The following MAPKAPK2 variants were observed in gnomAD, a reference collection of about 807,000 sequenced individuals.
MAPKAPK2 encodes the protein MAP kinase-activated protein kinase 2.
Under a neutral mutation model 48.8 loss-of-function variants are expected in MAPKAPK2, and 9 were observed. That is an observed-to-expected ratio of 0.18 (90% confidence interval 0.11 to 0.32). The LOEUF is 0.32. Among genes scored for constraint, MAPKAPK2 ranks in the 10% least tolerant of loss-of-function variants. The probability of loss-of-function intolerance (pLI) is 1.00; values close to 1 mark genes in which losing one functional copy is unlikely to be tolerated. For missense variants in MAPKAPK2, 331 were observed against 498.3 expected, an observed-to-expected ratio of 0.66 and a Z score of 3.20; for synonymous variants, 202 against 190.6, an observed-to-expected ratio of 1.06 and a Z score of -0.49.
intron 1 of MAPKAPK2, among the ~76,000 whole-genome samples, chr1:206,721,555 G>C (rs1673519180): frequency 6.6e-6 from 1 of 152,172 alleles, no homozygotes; most frequent in South Asian, 2.1e-4. Context: ...TGTTGCTGTT[G>C]TGGACAGTCT....
intron 1 of MAPKAPK2, among the ~76,000 whole-genome samples, chr1:206,701,513 T>G (rs1355723991): frequency 6.6e-6 from 1 of 151,994 alleles, no homozygotes; most frequent in Non-Finnish European, 1.5e-5. Context: ...TAGAAGGTAT[T>G]CATTTAGAAA....
At chr1:206,718,216 G>A (rs574597304) in intron 1 of MAPKAPK2, among the ~76,000 whole-genome samples, 1 of 152,290 alleles carries the variant, frequency 6.6e-6, no homozygotes, top group African/African-American at 2.4e-5. Context: ...CTTAAGTAAG[G>A]TGGAAGCAGT....
chr1:206,728,858 C>A lies in MAPKAPK2; in HGVS notation c.419+9C>A. The A allele has an allele frequency of 6.2e-7, 1 of 1,613,852 alleles. No individual in the cohort carries two copies. The highest frequency in any genetic ancestry group is 8.5e-7 in the Non-Finnish European group (1 of 1,179,870). On this transcript the variant is annotated intron_variant, in intron 2 of 9. Transcript: ENST00000367103. ...CTGATTGTCATGGAATGGTAAGCAG[C>A]CACTGTTCTAGTCCCGGCCCAGCCT...
In MAPKAPK2 at chr1:206,731,299, C is replaced by CGT. The variant is rs58152125; in HGVS notation, c.892+56_892+57dup. On this transcript the variant is annotated intron_variant, in intron 7 of 9. Transcript: ENST00000367103. This position sits in a 1 kb window ranked among gnomAD's most constrained non-coding sequence, Gnocchi z 5.9. ...GGCTTTCAGGACAAGGGGAAGAGCC[C>CGT]GTGTGTGTGTGTGTGTGTGTATGTG... The CGT allele has an allele frequency of 0.2, 309,456 of 1,548,182 alleles. 9,517 individuals carry two copies. Among genetic ancestry groups the CGT allele is most frequent in the African/African-American group, 0.31 (22,468 of 73,102 alleles).
At position 206,731,761 on chromosome 1, in the gene MAPKAPK2, G is replaced by A. The variant is rs994853586; in HGVS notation, c.978+36G>A. 8.1e-6 allele frequency: 13 copies of A among 1,611,754 alleles called. No individual in the cohort carries two copies. The highest frequency in any genetic ancestry group is 2.7e-5 in the African/African-American group (2 of 74,820). On this transcript the variant is annotated intron_variant, in intron 8 of 9. Transcript: ENST00000367103. This position sits in a 1 kb window ranked among gnomAD's most constrained non-coding sequence, Gnocchi z 5.9. ...CAGGCTGGGGAGCCTTGGGTCTCACGGGACTATTCCACAGGACAGAGTCTT... is the reference window on the plus strand; with the variant it reads ...CAGGCTGGGGAGCCTTGGGTCTCACAGGACTATTCCACAGGACAGAGTCTT...
intron 1 of MAPKAPK2, among the ~76,000 whole-genome samples, chr1:206,727,708 C>T (rs1317560710): frequency 6.6e-6 from 1 of 152,120 alleles, no homozygotes; most frequent in East Asian, 1.9e-4. Flanking sequence ...GCAAGCTCCA[C>T]CTCTCAGGGT....
intron 1 of MAPKAPK2, among the ~76,000 whole-genome samples, chr1:206,694,939 G>T (rs868927121): frequency 6.6e-6 from 1 of 152,186 alleles, no homozygotes; most frequent in Non-Finnish European, 1.5e-5. Flanking sequence ...TTGCAGACAC[G>T]CCAAGTGCTG....
intron 1 of MAPKAPK2, among the ~76,000 whole-genome samples, chr1:206,722,385 A>C (rs1364922159): frequency 6.6e-6 from 1 of 152,180 alleles, no homozygotes; most frequent in Non-Finnish European, 1.5e-5. Context: ...AACAAAAAAA[A>C]ACAAAGAAAC....
At chr1:206,721,683 A>G (rs949843795) in intron 1 of MAPKAPK2, among the ~76,000 whole-genome samples, 4 of 152,190 alleles carry the variant, frequency 2.6e-5, no homozygotes, top group Non-Finnish European at 4.4e-5. Context: ...AAGGTCGTGA[A>G]CTAATGACTC....
In MAPKAPK2 at chr1:206,685,145, C is replaced by CG; in HGVS notation, c.-79dup. The CG allele has an allele frequency of 4.4e-6, 1 of 228,062 alleles. No homozygotes were observed. Among genetic ancestry groups the CG allele is most frequent in the South Asian group, 1.7e-4 (1 of 5,812 alleles). 14.1% of individuals were successfully genotyped at this position (228,062 alleles called of 1,614,324 possible). A position where few individuals can be genotyped will look rare whatever the true frequency, so the allele number is the denominator to read the frequency against. On this transcript the variant is annotated 5_prime_UTR_variant, in exon 1 of 10. Transcript: ENST00000367103. ...GCCCGGAGCGAACTTCGCAGCCCGT[C>CG]GGGGGGCGGCGGGGAGGGGGCCCGG...
chr1:206,715,221 AT>A (rs544806845), intron 1 of MAPKAPK2, among the ~76,000 whole-genome samples: 112 of 152,304 alleles, frequency 7.4e-4, no homozygotes, highest in African/African-American at 2.6e-3. Flanking sequence ...ATTCTCTGTC[AT>A]TTTGTGTGTT....
intron 1 of MAPKAPK2, among the ~76,000 whole-genome samples, chr1:206,691,480 A>AATATAT (rs1553426231): frequency 2.1e-4 from 1 of 4,706 alleles, no homozygotes; most frequent in African/African-American, 5.7e-4. Context: ...TTTGTATTTT[A>AATATAT]AGATATATAT....
chr1:206,712,375 A>G (rs1270898234), intron 1 of MAPKAPK2, among the ~76,000 whole-genome samples: 3 of 152,360 alleles, frequency 2.0e-5, no homozygotes, highest in Admixed American at 6.5e-5. Flanking sequence ...CAGCAGTTTA[A>G]TGGAGGAGCT....
Position 206,728,706 on chromosome 1 carries a change from G to C in MAPKAPK2, c.280-4G>C, listed in dbSNP as rs1553432176. The stretch of plus-strand genomic sequence containing the variant: ...AGTTACTCAGAAAGCTGTTTGGCCT[G>C]CAGATGCTTCAGGACTGCCCCAAGG... On this transcript the variant is annotated splice_region_variant and splice_polypyrimidine_tract_variant and intron_variant, in intron 1 of 9. Coordinates refer to ENST00000367103, the MANE Select transcript of MAPKAPK2 (RefSeq NM_032960.4). 1 of 1,613,168 alleles carries C rather than the reference G, an allele frequency of 6.2e-7. No individual in the cohort carries two copies. The highest frequency in any genetic ancestry group is 8.5e-7 in the Non-Finnish European group (1 of 1,179,668).
intron 1 of MAPKAPK2, among the ~76,000 whole-genome samples, 170 bp from the exon 2 acceptor site, chr1:206,728,540 G>A (rs1673782757): frequency 1.3e-5 from 2 of 148,610 alleles, no homozygotes; most frequent in Non-Finnish European, 1.5e-5. Context: ...ATATAGAGCA[G>A]ATAAGGAACT....
chr1:206,727,669 G>A (rs1374109631), intron 1 of MAPKAPK2, among the ~76,000 whole-genome samples: 1 of 151,994 alleles, frequency 6.6e-6, no homozygotes, highest in Non-Finnish European at 1.5e-5. Context: ...TGCCCAGGCT[G>A]GAGTGCAGTG....
At position 206,696,070 on chromosome 1, in the gene MAPKAPK2, A is replaced by G. The variant is rs1271620828; in HGVS notation, c.279+10562A>G. On this transcript the variant is annotated intron_variant, in intron 1 of 9. Coordinates refer to ENST00000367103, the MANE Select transcript of MAPKAPK2 (RefSeq NM_032960.4). The stretch of plus-strand genomic sequence containing the variant: ...ACATAGCAGCATGTGGTGAGGATTC[A>G]TCTCACCTGCCTTCACCTTCATCCT... 7 of 1,047,304 alleles carry G rather than the reference A, an allele frequency of 6.7e-6. No individual in the cohort carries two copies. The African/African-American group carries it at 9.4e-5, about 14-fold the overall frequency. 64.9% of individuals were successfully genotyped at this position (1,047,304 alleles called of 1,614,324 possible).
At chr1:206,712,739 G>A (rs781791251) in intron 1 of MAPKAPK2, among the ~76,000 whole-genome samples, 80 of 152,150 alleles carry the variant, frequency 5.3e-4, no homozygotes, top group Non-Finnish European at 7.2e-4. Context: ...GCCGAGGTGG[G>A]TGAATGACTT....
At chr1:206,702,506 C>T (rs1334458084) in intron 1 of MAPKAPK2, among the ~76,000 whole-genome samples, 4 of 152,246 alleles carry the variant, frequency 2.6e-5, no homozygotes, top group South Asian at 2.1e-4. Flanking sequence ...GCCATCCAGC[C>T]GGTGAGGGCC....
Sources: allele counts gnomAD v4.1 joint callset (sites outside exome capture counted in the v4.1 genomes callset), GRCh38; gene constraint gnomAD v4.1.1; non-coding constraint Gnocchi (gnomAD v3.1); transcripts MANE v1.5; gene names NCBI Gene and HGNC (gene_info 2026-07-23, HGNC 2026-07-21).